Variants in ERCC6L2 observed in about 807,000 individuals in gnomAD.
ERCC6L2 encodes DNA excision repair protein ERCC-6-like 2.
In ERCC6L2, 77 loss-of-function variants were observed where a neutral mutation model predicts 132.0. The observed-to-expected ratio is 0.58, with a 90% CI of 0.49 to 0.71. The LOEUF (loss-of-function observed/expected upper bound fraction) is 0.71. Among genes scored for constraint, ERCC6L2 ranks in the 30% least tolerant of loss-of-function variants. The pLI, the probability that ERCC6L2 is intolerant of heterozygous loss-of-function variation, is 0.00. For synonymous variants in ERCC6L2, 583 were observed against 632.4 expected (o/e 0.92, Z 1.17); for missense variants, 1,542 against 1,837.6 (o/e 0.84, Z 2.94).
At chr9:95,954,838 C>T (rs1564258807) in intron 12 of ERCC6L2, 2 of 471,124 alleles carry the variant, frequency 4.2e-6, no homozygotes, top group South Asian at 1.5e-5. Context: ...TGCTGTGTCA[C>T]AGGAGCCTCC....
At chr9:96,040,171 C>A (rs1246429556) in intron 20 of ERCC6L2, among the ~76,000 whole-genome samples, 2 of 151,988 alleles carry the variant, frequency 1.3e-5, no homozygotes, top group Admixed American at 1.3e-4. Flanking sequence ...CAAGCACCCC[C>A]ACAATAGCTC....
chr9:95,954,319 G>A (rs544622498), intron 12 of ERCC6L2, among the ~76,000 whole-genome samples: 187 of 152,172 alleles, frequency 1.2e-3, no homozygotes, highest in Non-Finnish European at 2.0e-3. Flanking sequence ...AGGTCATCGA[G>A]ACATATTATT....
rs549501690 is a variant in ERCC6L2 at position 95,955,957 on chromosome 9, C to T, written c.1891C>T (p.Leu631=). ...GQCRDVKVLR[L]ISLGTVEEIM... ...ATGTAGAGATGTCAAAGTGCTTAGGCTGATATCCTTGGGAACTGTGGAGGA... is the reference window on the plus strand; with the variant it reads ...ATGTAGAGATGTCAAAGTGCTTAGGTTGATATCCTTGGGAACTGTGGAGGA... The change falls in exon 13 of 19, where the codon CTG becomes TTG. Residue 631 remains leucine, a synonymous_variant. Transcript: ENST00000653738. 13 of 1,608,032 alleles carry T rather than the reference C, an allele frequency of 8.1e-6. No homozygotes were observed. The highest frequency in any genetic ancestry group is 1.1e-5 in the Non-Finnish European group (13 of 1,176,936).
chr9:95,941,225 C>T (rs771289509), intron 11 of ERCC6L2, among the ~76,000 whole-genome samples: 3 of 152,054 alleles, frequency 2.0e-5, no homozygotes, highest in East Asian at 3.8e-4. Context: ...AAACTATTTA[C>T]GTGGGCTCTA....
intron 14 of ERCC6L2, among the ~76,000 whole-genome samples, chr9:95,969,587 T>C (rs576317156): frequency 7.2e-5 from 11 of 152,158 alleles, no homozygotes; most frequent in Non-Finnish European, 1.3e-4. Flanking sequence ...TAACGGAGTT[T>C]CAACAGCTTT....
chr9:95,952,516 C>T (rs1049172806), intron 12 of ERCC6L2, among the ~76,000 whole-genome samples: 1 of 152,070 alleles, frequency 6.6e-6, no homozygotes, highest in Non-Finnish European at 1.5e-5. Context: ...TTCATTGATG[C>T]AGAAAAAGCA....
downstream of ERCC6L2, among the ~76,000 whole-genome samples, chr9:96,019,315 C>T (rs73536566): frequency 0.024 from 3,652 of 152,202 alleles, 164 homozygotes; most frequent in African/African-American, 0.083. Flanking sequence ...ATATAAATGC[C>T]AGGATGCACC....
At chr9:95,979,062 A>G (rs932873386) in intron 17 of ERCC6L2, among the ~76,000 whole-genome samples, 1 of 152,242 alleles carries the variant, frequency 6.6e-6, no homozygotes, top group Admixed American at 6.5e-5. Flanking sequence ...AATTAAACTG[A>G]AAGTTTAAGA....
intron 18 of ERCC6L2, among the ~76,000 whole-genome samples, chr9:96,011,520 C>T (rs962136554): frequency 2.6e-5 from 4 of 152,218 alleles, no homozygotes; most frequent in African/African-American, 9.6e-5. Context: ...GTCCCTAAAT[C>T]TTTCTGCCTC....
chr9:96,003,082 A>T (rs1487660369), intron 17 of ERCC6L2, among the ~76,000 whole-genome samples: 1 of 152,108 alleles, frequency 6.6e-6, no homozygotes, highest in African/African-American at 2.4e-5. Flanking sequence ...CTGGGTGACA[A>T]AGTGAGACTC....
In ERCC6L2 at chr9:96,015,015, G is replaced by GTTTTTTTTTTTTTTTT. The variant is rs767745101; in HGVS notation, c.*1822_*1837dup. On this transcript the variant is annotated 3_prime_UTR_variant, in exon 19 of 19. Coordinates refer to ENST00000653738, the MANE Select transcript of ERCC6L2 (RefSeq NM_020207.7). Reference sequence around the variant, plus strand: ...GCTCTATAGTCTTCATATATGTACAGTTTTTTTTTTTTTTTTTTTTTTTTT... The same window carrying GTTTTTTTTTTTTTTTT: ...GCTCTATAGTCTTCATATATGTACAGTTTTTTTTTTTTTTTTTTTTTTTTTTTTTTTTTTTTTTTTT... 1.2e-4 allele frequency among the ~76,000 whole-genome samples: 8 copies of GTTTTTTTTTTTTTTTT among 65,430 alleles called. 1 individual carries two copies. Among genetic ancestry groups the GTTTTTTTTTTTTTTTT allele is most frequent in the East Asian group, 5.6e-4 (1 of 1,796 alleles). 42.9% of individuals were successfully genotyped at this position (65,430 alleles called of 152,430 possible). A position where few individuals can be genotyped will look rare whatever the true frequency, so the allele number is the denominator to read the frequency against.
chr9:95,969,312 A>G (rs1832306445), intron 14 of ERCC6L2, among the ~76,000 whole-genome samples: 1 of 152,212 alleles, frequency 6.6e-6, no homozygotes, highest in Admixed American at 6.5e-5. Flanking sequence ...ATTGAAAACT[A>G]GACTATAGAA....
intron 12 of ERCC6L2, among the ~76,000 whole-genome samples, chr9:95,946,789 C>T (rs1564250665): frequency 6.6e-6 from 1 of 152,194 alleles, no homozygotes; most frequent in Non-Finnish European, 1.5e-5. Context: ...ATGTAGTTCT[C>T]ACATTATTTC....
Position 95,875,926 on chromosome 9 carries a change from G to A in ERCC6L2, c.-113G>A. 1 of 1,163,394 alleles carries A rather than the reference G, an allele frequency of 8.6e-7. No individual in the cohort carries two copies. The highest frequency in any genetic ancestry group is 2.6e-5 in the East Asian group (1 of 38,626). 72.1% of individuals were successfully genotyped at this position (1,163,394 alleles called of 1,614,324 possible). The stretch of plus-strand genomic sequence containing the variant: ...GGGTTGCCGAAGAGCGATGCTCGGA[G>A]GGCGGCCGGAAGTGGCGTTGGCCGC... On this transcript the variant is annotated 5_prime_UTR_variant, in exon 1 of 19. Transcript: ENST00000653738.
chr9:96,013,285 G>C lies in ERCC6L2; in HGVS notation c.*82G>C. On this transcript the variant is annotated 3_prime_UTR_variant, in exon 19 of 19. Coordinates refer to ENST00000653738, the MANE Select transcript of ERCC6L2 (RefSeq NM_020207.7). ...GATTCCACACTGATTCTATTATCTT[G>C]AACACAGTTGTTGACATATATTTTT... The C allele has an allele frequency of 5.2e-6, 6 of 1,143,924 alleles. No homozygotes were observed. The highest frequency in any genetic ancestry group is 6.9e-6 in the Non-Finnish European group (6 of 866,776). The allele number at this position is 1,143,924 out of a possible 1,614,324, so 70.9% of individuals were successfully genotyped here.
At chr9:95,992,571 T>G (rs1191867271) in intron 17 of ERCC6L2, among the ~76,000 whole-genome samples, 1 of 152,356 alleles carries the variant, frequency 6.6e-6, no homozygotes, top group East Asian at 1.9e-4. Context: ...AGCTGAATCT[T>G]TCACATACTT....
chr9:95,975,455 T>C (rs1228955299), intron 16 of ERCC6L2, among the ~76,000 whole-genome samples: 2 of 149,320 alleles, frequency 1.3e-5, no homozygotes, highest in Non-Finnish European at 3.0e-5. Flanking sequence ...TGGCATAAAG[T>C]GTGGTATTAT....
chr9:95,935,149 G>C (rs147812639), intron 11 of ERCC6L2, among the ~76,000 whole-genome samples: 1 of 152,150 alleles, frequency 6.6e-6, no homozygotes. Flanking sequence ...TGGAGTTTAT[G>C]TGTGAAGATT....
At chr9:95,911,417 G>T (rs1252385602) in intron 4 of ERCC6L2, among the ~76,000 whole-genome samples, 4 of 151,852 alleles carry the variant, frequency 2.6e-5, no homozygotes, top group Non-Finnish European at 5.9e-5. Flanking sequence ...TGTTTTTTAG[G>T]TGACTTTTTT....
Sources: gnomAD v4.1 joint callset for allele counts (sites outside exome capture counted in the v4.1 genomes callset) on GRCh38, gnomAD v4.1.1 for gene constraint, MANE v1.5 for transcripts, NCBI Gene and HGNC (gene_info 2026-07-23, HGNC 2026-07-21) for gene names.